The following PIERCE1 variants were observed in gnomAD, a reference collection of about 807,000 sequenced individuals.
PIERCE1 encodes the protein piercer of microtubule wall 1.
chr9:135,498,561 T>C, the PIERCE1 span: 3 of 1,610,128 alleles, frequency 1.9e-6, no homozygotes, highest in East Asian at 2.2e-5. This position sits in a 1 kb window ranked among gnomAD's most constrained non-coding sequence, Gnocchi z 4.1. Flanking sequence ...CTGCCCCCCA[T>C]GCCCGGTCTT....
At chr9:135,498,630 A>C in the PIERCE1 span, 1 of 1,614,038 alleles carries the variant, frequency 6.2e-7, no homozygotes, top group East Asian at 2.2e-5. The surrounding 1 kb of genome is among the most constrained non-coding windows in gnomAD (Gnocchi z 4.1). Flanking sequence ...AAGCCTGGTT[A>C]CTGGTCCTGT....
At chr9:135,498,493 C>T in the PIERCE1 span, 1 of 1,057,222 alleles carries the variant, frequency 9.5e-7, no homozygotes, top group East Asian at 2.4e-5. The surrounding 1 kb of genome is among the most constrained non-coding windows in gnomAD (Gnocchi z 4.1). Context: ...CTCCCCGTCT[C>T]ATTGTTGACC....
chr9:135,498,679 C>T, the PIERCE1 span: 1 of 1,608,196 alleles, frequency 6.2e-7, no homozygotes, highest in Non-Finnish European at 8.5e-7. This position sits in a 1 kb window ranked among gnomAD's most constrained non-coding sequence, Gnocchi z 4.1. Flanking sequence ...AGATGAGAAA[C>T]ACTCTATTTT....
the PIERCE1 span, chr9:135,499,787 TCCGGCGGGGC>T: frequency 1.9e-6 from 3 of 1,605,272 alleles, no homozygotes; most frequent in Non-Finnish European, 2.5e-6. Context: ...GCTGGTCCTC[TCCGGCGGGGC>T]CGTGGCCTTG....
chr9:135,496,225 G>A, the PIERCE1 span, among the ~76,000 whole-genome samples: 2 of 152,270 alleles, frequency 1.3e-5, no homozygotes, highest in Non-Finnish European at 2.9e-5. Context: ...GCTGAGGCAG[G>A]AGAATTGCTT....
the PIERCE1 span, among the ~76,000 whole-genome samples, chr9:135,496,574 A>C: frequency 2.0e-5 from 3 of 152,206 alleles, no homozygotes; most frequent in Non-Finnish European, 4.4e-5. Flanking sequence ...AGATCTATAG[A>C]AAAATTGAAC....
At chr9:135,496,995 C>T in the PIERCE1 span, among the ~76,000 whole-genome samples, 1 of 152,196 alleles carries the variant, frequency 6.6e-6, no homozygotes, top group African/African-American at 2.4e-5. Context: ...CGGGGTTTCG[C>T]CATGTTGGCC....
the PIERCE1 span, chr9:135,499,149 T>G: frequency 3.4e-6 from 1 of 297,086 alleles, no homozygotes; most frequent in African/African-American, 2.2e-5. Context: ...CGACATAGCT[T>G]TACTTTATAC....
chr9:135,499,796 G>A, the PIERCE1 span: 7 of 1,604,524 alleles, frequency 4.4e-6, no homozygotes, highest in Non-Finnish European at 5.9e-6. Flanking sequence ...CTCCGGCGGG[G>A]CCGTGGCCTT....
the PIERCE1 span, chr9:135,495,288 T>C: frequency 1.3e-6 from 1 of 791,344 alleles, no homozygotes; most frequent in African/African-American, 1.7e-5. Context: ...CATATTTTCC[T>C]ACTCCGCAGA....
chr9:135,498,782 C>T, the PIERCE1 span: 45 of 923,226 alleles, frequency 4.9e-5, no homozygotes, highest in Non-Finnish European at 6.5e-5. The surrounding 1 kb of genome is among the most constrained non-coding windows in gnomAD (Gnocchi z 4.1). Context: ...GCAATATGCC[C>T]GGGCTGGTGA....
At chr9:135,498,489 G>T in the PIERCE1 span, 2 of 1,003,410 alleles carry the variant, frequency 2.0e-6, no homozygotes, top group Non-Finnish European at 3.1e-6. This position sits in a 1 kb window ranked among gnomAD's most constrained non-coding sequence, Gnocchi z 4.1. Context: ...ACCCCTCCCC[G>T]TCTCATTGTT....
At chr9:135,495,323 G>A in the PIERCE1 span, 7 of 1,072,766 alleles carry the variant, frequency 6.5e-6, no homozygotes, top group Admixed American at 7.1e-5. Flanking sequence ...AGGGAAGGCA[G>A]CGCAGTCTGT....
At chr9:135,498,906 G>A in the PIERCE1 span, 259 of 506,458 alleles carry the variant, frequency 5.1e-4, 3 homozygotes, top group South Asian at 6.0e-3. The surrounding 1 kb of genome is among the most constrained non-coding windows in gnomAD (Gnocchi z 4.1). Context: ...GCAGGCCAAA[G>A]CCCTAAAGAG....
At chr9:135,499,857 C>T in the PIERCE1 span, 1 of 1,554,392 alleles carries the variant, frequency 6.4e-7, no homozygotes, top group Non-Finnish European at 8.7e-7. Context: ...GCCATTGTGC[C>T]TGGAGGAGAA....
the PIERCE1 span, among the ~76,000 whole-genome samples, chr9:135,496,742 C>T: frequency 6.6e-6 from 1 of 150,690 alleles, no homozygotes; most frequent in Admixed American, 6.6e-5. Flanking sequence ...ACAAATGTAT[C>T]ATCACAGGGA....
chr9:135,498,669 A>G, the PIERCE1 span: 3 of 1,613,106 alleles, frequency 1.9e-6, no homozygotes, highest in East Asian at 2.2e-5. This position sits in a 1 kb window ranked among gnomAD's most constrained non-coding sequence, Gnocchi z 4.1. Flanking sequence ...GGGTCCTGGT[A>G]GATGAGAAAC....
the PIERCE1 span, chr9:135,499,586 C>T: frequency 2.3e-6 from 3 of 1,330,946 alleles, no homozygotes; most frequent in Admixed American, 4.1e-5. Flanking sequence ...CAGCGCGGGC[C>T]CCGGATGACC....
At chr9:135,496,107 G>C in the PIERCE1 span, among the ~76,000 whole-genome samples, 2 of 152,244 alleles carry the variant, frequency 1.3e-5, no homozygotes, top group Non-Finnish European at 2.9e-5. Flanking sequence ...CTCAGGTCAG[G>C]AGTTCGAGAC....
Sources: allele counts gnomAD v4.1 joint callset (sites outside exome capture counted in the v4.1 genomes callset), GRCh38; gene constraint gnomAD v4.1.1; non-coding constraint Gnocchi (gnomAD v3.1); transcripts MANE v1.5; gene names NCBI Gene and HGNC (gene_info 2026-07-23, HGNC 2026-07-21).